The following EWSR1 variants were observed in gnomAD, a reference collection of about 807,000 sequenced individuals.
EWSR1 encodes the protein RNA-binding protein EWS.
A neutral mutation model predicts 92.1 loss-of-function variants in EWSR1; 14 were observed. The observed-to-expected ratio is 0.15, with a 90% confidence interval of 0.10 to 0.24. The LOEUF is 0.24. Among genes scored for constraint, EWSR1 ranks in the 10% least tolerant of loss-of-function variants. EWSR1 has a pLI of 1.00. For synonymous variants in EWSR1, 303 were observed against 292.9 expected, an observed-to-expected ratio of 1.03 and a Z score of -0.35; for missense variants, 637 against 870.9, an observed-to-expected ratio of 0.73 and a Z score of 3.38.
intron 4 of EWSR1, chr22:29,276,292 T>C (rs1045712718): frequency 8.7e-6 from 2 of 229,938 alleles, no homozygotes; most frequent in Admixed American, 5.7e-5. Context: ...ACTTAAGCAG[T>C]TCAGATGAAC....
chr22:29,299,456 T>C, intron 15 of EWSR1, 125 bp downstream of exon 15: 1 of 1,492,316 alleles, frequency 6.7e-7, no homozygotes, highest in Non-Finnish European at 8.9e-7. Context: ...TCCTCATTTC[T>C]AAATTGTCAG....
chr22:29,284,942 C>T (rs1204862589), intron 6 of EWSR1, among the ~76,000 whole-genome samples: 1 of 151,182 alleles, frequency 6.6e-6, no homozygotes, highest in Non-Finnish European at 1.5e-5. Flanking sequence ...ACGTCAGCCT[C>T]CCAAGTAGCT....
Position 29,288,635 on chromosome 22 carries a change from A to G in EWSR1, c.823A>G (p.Met275Val), listed in dbSNP as rs1234883143. ...SSFRQDHPSS[M>V]GVYGQESGGF... Reference sequence around the variant, plus strand: ...ATTCCGACAGGACCACCCCAGTAGCATGGGTGTTTATGGGCAGGAGTCTGG... The same window carrying G: ...ATTCCGACAGGACCACCCCAGTAGCGTGGGTGTTTATGGGCAGGAGTCTGG... The change falls in exon 8 of 17, where the codon ATG becomes GTG. Residue 275 changes from methionine to valine, a missense_variant. By Grantham distance (21) the Met-to-Val change is conservative (BLOSUM62 1). Coordinates refer to ENST00000397938, the MANE Select transcript of EWSR1 (RefSeq NM_005243.4). 7 of 1,613,324 alleles carry G rather than the reference A, an allele frequency of 4.3e-6. No individual in the cohort carries two copies. Among genetic ancestry groups the G allele is most frequent in the African/African-American group, 1.3e-5 (1 of 75,004 alleles).
intron 5 of EWSR1, among the ~76,000 whole-genome samples, chr22:29,281,734 C>T (rs1462988056): frequency 2.6e-5 from 4 of 152,080 alleles, no homozygotes; most frequent in Non-Finnish European, 5.9e-5. Flanking sequence ...GCGCCCACCA[C>T]CATGCCTGGC....
At chr22:29,294,935 G>A (rs2060736406) in intron 11 of EWSR1, among the ~76,000 whole-genome samples, 1 of 151,138 alleles carries the variant, frequency 6.6e-6, no homozygotes, top group Admixed American at 6.6e-5. Context: ...AAATACAGTT[G>A]ATTTTGGTAA....
intron 16 of EWSR1, 130 bp from the exon 17 acceptor site, chr22:29,299,990 GGC>G: frequency 1.1e-5 from 15 of 1,327,918 alleles, no homozygotes; most frequent in African/African-American, 1.7e-5. Flanking sequence ...GGCACCTGGG[GGC>G]TCTGGAAGGG....
At position 29,271,504 on chromosome 22, in the gene EWSR1, A is replaced by G. The variant is rs148363631; in HGVS notation, c.14-712A>G. 3.4e-3 allele frequency among the ~76,000 whole-genome samples: 518 copies of G among 152,318 alleles called. 1 individual carries two copies. Among genetic ancestry groups the G allele is most frequent in the African/African-American group, 7.9e-3 (327 of 41,570 alleles). On this transcript the variant is annotated intron_variant, in intron 1 of 16. Coordinates refer to ENST00000397938, the MANE Select transcript of EWSR1 (RefSeq NM_005243.4). ...ATCATTTTGAGTTGTATGAAAGACAATGGTGTTACCAAATTTTTCCCAGAA... is the reference window on the plus strand; with the variant it reads ...ATCATTTTGAGTTGTATGAAAGACAGTGGTGTTACCAAATTTTTCCCAGAA...
At chr22:29,284,607 T>C (rs911216848) in intron 6 of EWSR1, among the ~76,000 whole-genome samples, 2 of 151,096 alleles carry the variant, frequency 1.3e-5, no homozygotes. Flanking sequence ...TGGTGAGGGA[T>C]GTGGTGTGTT....
intron 5 of EWSR1, among the ~76,000 whole-genome samples, chr22:29,281,429 C>T (rs2059595445): frequency 6.6e-6 from 1 of 151,950 alleles, no homozygotes; most frequent in African/African-American, 2.4e-5. Flanking sequence ...CTCAGTCTTC[C>T]AAGTAGCTGA....
chr22:29,268,393 G>C (rs894299451), intron 1 of EWSR1, 44 bp downstream of exon 1: 8 of 1,613,702 alleles, frequency 5.0e-6, no homozygotes, highest in Non-Finnish European at 5.1e-6. Flanking sequence ...TAGCCGGAAC[G>C]CCCAAACTGG....
chr22:29,290,691 G>A, intron 8 of EWSR1: 5 of 1,351,378 alleles, frequency 3.7e-6, no homozygotes, highest in Non-Finnish European at 4.8e-6. Context: ...TAAAGAGAGA[G>A]AACATTTTAT....
chr22:29,288,949 C>A, intron 8 of EWSR1, 163 bp downstream of exon 8: 1 of 674,428 alleles, frequency 1.5e-6, no homozygotes, highest in Non-Finnish European at 2.3e-6. Flanking sequence ...ATCTTTGTGG[C>A]ATATATTAAG....
At position 29,299,941 on chromosome 22, in the gene EWSR1, T is replaced by C. The variant is rs1602616532; in HGVS notation, c.1931+90T>C. ...TGGTTGGCGCAAGTCCTCATGTCTCTAGGAAGCTTGTGATAGTGGTTGGGA... is the reference window on the plus strand; with the variant it reads ...TGGTTGGCGCAAGTCCTCATGTCTCCAGGAAGCTTGTGATAGTGGTTGGGA... On this transcript the variant is annotated intron_variant, in intron 16 of 16. Coordinates refer to ENST00000397938, the MANE Select transcript of EWSR1 (RefSeq NM_005243.4). 10 of 1,543,216 alleles carry C rather than the reference T, an allele frequency of 6.5e-6. No homozygotes were observed. The East Asian group carries it at 2.0e-4, about 32-fold the overall frequency.
At chr22:29,291,632 T>TA (rs745310232) in intron 9 of EWSR1, 33 bp downstream of exon 9, 256 of 1,556,732 alleles carry the variant, frequency 1.6e-4, no homozygotes, top group African/African-American at 2.4e-4. Context: ...AGATAGTGTT[T>TA]AAAAAAAAAT....
Position 29,299,303 on chromosome 22 carries a change from C to G in EWSR1, c.1650C>G (p.Gly550=). The G allele has an allele frequency of 6.2e-6, 10 of 1,613,940 alleles. No individual in the cohort carries two copies. Among genetic ancestry groups the G allele is most frequent in the Non-Finnish European group, 8.5e-6 (10 of 1,179,836 alleles). Residue 550 remains glycine, a synonymous_variant, in exon 15 of 17, where the codon GGC becomes GGG. Coordinates refer to ENST00000397938, the MANE Select transcript of EWSR1 (RefSeq NM_005243.4). ...AGTGTAAGGCCCCAAAGCCTGAAGGCTTCCTCCCGCCACCCTTTCCGCCCC... is the reference window on the plus strand; with the variant it reads ...AGTGTAAGGCCCCAAAGCCTGAAGGGTTCCTCCCGCCACCCTTTCCGCCCC... ...CNQCKAPKPE[G]FLPPPFPPPG...
At chr22:29,291,364 C>A in intron 8 of EWSR1, 198 bp from the exon 9 acceptor site, 1 of 542,900 alleles carries the variant, frequency 1.8e-6, no homozygotes, top group South Asian at 3.2e-5. Flanking sequence ...CTGGTGTGTA[C>A]AATCAGACAA....
chr22:29,291,148 C>T (rs980434773), intron 8 of EWSR1: 7 of 245,118 alleles, frequency 2.9e-5, no homozygotes, highest in South Asian at 3.5e-4. Flanking sequence ...TCATTTGGCT[C>T]TCCCTTGGGA....
intron 6 of EWSR1, among the ~76,000 whole-genome samples, chr22:29,285,707 A>G (rs758763302): frequency 4.0e-5 from 6 of 151,256 alleles, no homozygotes; most frequent in Non-Finnish European, 8.8e-5. Flanking sequence ...TGAATGCCTC[A>G]CTTCACTCTC....
rs569038282 is a variant in EWSR1 at position 29,273,488 on chromosome 22, A to C, written c.103-253A>C. Reference sequence around the variant, plus strand: ...TATCTTTTTTTTCCCCCTTTTGAGAAGCTGTGAATGACATTGCCTACTTAC... The same window carrying C: ...TATCTTTTTTTTCCCCCTTTTGAGACGCTGTGAATGACATTGCCTACTTAC... On this transcript the variant is annotated intron_variant, in intron 3 of 16. Coordinates refer to ENST00000397938, the MANE Select transcript of EWSR1 (RefSeq NM_005243.4). 2.0e-5 allele frequency among the ~76,000 whole-genome samples: 3 copies of C among 152,236 alleles called. No individual in the cohort carries two copies. In the South Asian group the frequency reaches 6.2e-4, roughly 32 times the overall value.
Sources: gnomAD v4.1 joint callset for allele counts (sites outside exome capture counted in the v4.1 genomes callset) on GRCh38, gnomAD v4.1.1 for gene constraint, MANE v1.5 for transcripts, NCBI Gene and HGNC (gene_info 2026-07-23, HGNC 2026-07-21) for gene names.